The following CASR variants were observed in gnomAD, a reference collection of about 807,000 sequenced individuals.
CASR encodes the protein calcium sensing receptor.
CASR carries 23 observed loss-of-function variants against 69.1 expected under a neutral mutation model. That is an observed-to-expected ratio of 0.33 (90% CI 0.24 to 0.47). The LOEUF (loss-of-function observed/expected upper bound fraction) is 0.47, where lower values mean the gene tolerates loss of function less well. Ranked by LOEUF, CASR falls within the 20% of genes least tolerant of loss-of-function variation. The pLI, the probability that CASR is intolerant of heterozygous loss-of-function variation, is 1.00. For missense variants in CASR, 924 were observed against 1,356.1 expected (o/e 0.68, Z 5.00); for synonymous variants, 541 against 544.7 (o/e 0.99, Z 0.10).
At chr3:122,222,472 A>G (rs2074181344) in intron 1 of CASR, among the ~76,000 whole-genome samples, 1 of 152,182 alleles carries the variant, frequency 6.6e-6, no homozygotes, top group Non-Finnish European at 1.5e-5. Context: ...ACAACAATCT[A>G]AAAGGTCAAT....
intron 4 of CASR, among the ~76,000 whole-genome samples, chr3:122,264,452 T>C (rs778839773): frequency 5.3e-5 from 8 of 152,172 alleles, no homozygotes; most frequent in Admixed American, 1.3e-4. Context: ...CTACATAGAC[T>C]TAGAGTAAGG....
chr3:122,201,868 G>A (rs561035087), intron 1 of CASR, among the ~76,000 whole-genome samples: 12 of 151,808 alleles, frequency 7.9e-5, no homozygotes, highest in African/African-American at 2.2e-4. Flanking sequence ...GATGGCGGCC[G>A]GGAAGAGGCG....
intron 1 of CASR, among the ~76,000 whole-genome samples, chr3:122,248,707 C>T (rs181100210): frequency 3.8e-4 from 57 of 151,250 alleles, no homozygotes; most frequent in African/African-American, 1.3e-3. Context: ...AGAAGGTCTG[C>T]GCCTGGGTTT....
intron 6 of CASR, among the ~76,000 whole-genome samples, chr3:122,283,456 AAAAC>A (rs1370039112): frequency 2.0e-5 from 3 of 152,222 alleles, no homozygotes; most frequent in South Asian, 2.1e-4. Context: ...GTGCAAAGGG[AAAAC>A]AAACTAACAA....
chr3:122,272,091 G>GTACACA (rs55688288), intron 4 of CASR, among the ~76,000 whole-genome samples: 7,121 of 148,840 alleles, frequency 0.048, 213 homozygotes, highest in Middle Eastern at 0.071. Context: ...TCCTAGGAAT[G>GTACACA]CACACACACA....
chr3:122,209,231 C>G (rs2074038120), intron 1 of CASR, among the ~76,000 whole-genome samples: 1 of 151,932 alleles, frequency 6.6e-6, no homozygotes, highest in African/African-American at 2.4e-5. Flanking sequence ...AGCAGTCTCT[C>G]TGAAACATCC....
At chr3:122,205,720 T>G (rs1490806673) in intron 1 of CASR, among the ~76,000 whole-genome samples, 3 of 152,236 alleles carry the variant, frequency 2.0e-5, no homozygotes, top group South Asian at 2.1e-4. Flanking sequence ...TTTTCATTTT[T>G]TGTGTGTGTC....
chr3:122,278,493 C>T (rs1361102021), intron 5 of CASR, among the ~76,000 whole-genome samples: 1 of 152,176 alleles, frequency 6.6e-6, no homozygotes, highest in Non-Finnish European at 1.5e-5. Flanking sequence ...AAAAGAGACA[C>T]CTTAATTAGG....
At chr3:122,189,689 T>C (rs914285963) in intron 1 of CASR, among the ~76,000 whole-genome samples, 2 of 152,224 alleles carry the variant, frequency 1.3e-5, no homozygotes, top group Non-Finnish European at 2.9e-5. Flanking sequence ...ATTTGACTTC[T>C]TCCTCCCATA....
chr3:122,211,190 T>C (rs1313886254), intron 1 of CASR, among the ~76,000 whole-genome samples: 2 of 151,842 alleles, frequency 1.3e-5, no homozygotes, highest in African/African-American at 4.8e-5. Context: ...AAAGATTTCA[T>C]GACAAAAATG....
At chr3:122,198,774 CTTT>C (rs1179425761) in intron 1 of CASR, among the ~76,000 whole-genome samples, 3 of 151,310 alleles carry the variant, frequency 2.0e-5, no homozygotes, top group Admixed American at 1.3e-4. Flanking sequence ...AAAAATTTTT[CTTT>C]TTATTATAAA....
chr3:122,273,527 T>A (rs2074782393), intron 4 of CASR, among the ~76,000 whole-genome samples: 1 of 152,214 alleles, frequency 6.6e-6, no homozygotes, highest in Non-Finnish European at 1.5e-5. Context: ...AGACCTGGCA[T>A]GGCATGTGGA....
At position 122,273,720 on chromosome 3, in the gene CASR, A is replaced by G. The variant is rs551671081; in HGVS notation, c.1378-2092A>G. ...GGGCACGATTACAGCATGGAGAAGG[A>G]TGATGGCCATGTCAGAAAGGCCCCC... is the stretch of plus-strand genomic sequence containing the variant. On this transcript the variant is annotated intron_variant, in intron 4 of 6. Transcript: ENST00000639785. Among the ~76,000 whole-genome samples, 7 of 152,330 alleles carry G rather than the reference A, an allele frequency of 4.6e-5. No individual in the cohort carries two copies. In the South Asian group the frequency reaches 1.5e-3, roughly 32 times the overall value.
chr3:122,278,960 T>G lies in CASR; in HGVS notation c.1608+2918T>G, dbSNP rs187728130. Reference sequence around the variant, plus strand: ...GACACATGACTACCCAGATTCAAGATGACATTTTTCAGCCTTCATTTCTAC... The same window carrying G: ...GACACATGACTACCCAGATTCAAGAGGACATTTTTCAGCCTTCATTTCTAC... On this transcript the variant is annotated intron_variant, in intron 5 of 6. Coordinates refer to ENST00000639785, the MANE Select transcript of CASR (RefSeq NM_000388.4). Among the ~76,000 whole-genome samples the G allele has an allele frequency of 2.6e-5, 4 of 152,314 alleles. No individual in the cohort carries two copies. The East Asian group carries it at 7.7e-4, about 29-fold the overall frequency.
rs766140790 is a variant in CASR, at chr3:122,282,121, C to G, written c.1617C>G (p.Phe539Leu). 2 of 1,614,240 alleles carry G rather than the reference C, an allele frequency of 1.2e-6. No individual in the cohort carries two copies. Among genetic ancestry groups the G allele is most frequent in the Non-Finnish European group, 1.7e-6 (2 of 1,180,040 alleles). Residue 539 changes from phenylalanine to leucine, a missense_variant, in exon 6 of 7, where the codon TTC (phenylalanine) becomes TTG (leucine). Phe to Leu is a conservative substitution (Grantham distance 22). This residue lies in a region of CASR where 310 missense variants were observed against 395.7 expected (regional missense o/e 0.78). Coordinates refer to ENST00000639785, the MANE Select transcript of CASR (RefSeq NM_000388.4). The part of the protein sequence containing the change: ...LWSGFSREVP[F>L]SNCSRDCLAG... ...TGCTGTCTGTCCTCCAGGTGCCCTT[C>G]TCCAACTGCAGCCGAGACTGCCTGG...
At chr3:122,265,639 T>C (rs983369784) in intron 4 of CASR, among the ~76,000 whole-genome samples, 1 of 152,236 alleles carries the variant, frequency 6.6e-6, no homozygotes, top group African/African-American at 2.4e-5. Flanking sequence ...CAACCCATTC[T>C]TGAATCAATC....
At chr3:122,224,352 T>G (rs569967445) in intron 1 of CASR, among the ~76,000 whole-genome samples, 18 of 152,282 alleles carry the variant, frequency 1.2e-4, no homozygotes, top group Non-Finnish European at 2.9e-5. Context: ...AGTTTTAGGA[T>G]ACAAAATCAA....
At chr3:122,188,789 C>T (rs1330818654) in intron 1 of CASR, among the ~76,000 whole-genome samples, 1 of 152,146 alleles carries the variant, frequency 6.6e-6, no homozygotes, top group African/African-American at 2.4e-5. Context: ...TTTCTCATGT[C>T]TTCTCATATA....
chr3:122,190,457 T>A (rs973545985), intron 1 of CASR, among the ~76,000 whole-genome samples: 3 of 152,214 alleles, frequency 2.0e-5, no homozygotes, highest in Non-Finnish European at 4.4e-5. Flanking sequence ...AGCTTGTATC[T>A]CAGTTTGACA....
Sources: gnomAD v4.1 joint callset for allele counts (sites outside exome capture counted in the v4.1 genomes callset) on GRCh38, gnomAD v4.1.1 for gene constraint, gnomAD v4.1.1 regional missense constraint, MANE v1.5 for transcripts, NCBI Gene and HGNC (gene_info 2026-07-23, HGNC 2026-07-21) for gene names.